MEF2A: variants seen among roughly 807,000 people sequenced by gnomAD.
The protein encoded by MEF2A is myocyte-specific enhancer factor 2A.
Under a neutral mutation model 55.8 loss-of-function variants are expected in MEF2A, and 28 were observed. That is an observed-to-expected ratio of 0.50 (90% CI 0.37 to 0.69). MEF2A has a LOEUF of 0.69. Among genes scored for constraint, MEF2A ranks in the 30% least tolerant of loss-of-function variants. MEF2A has a pLI of 0.00. For synonymous variants in MEF2A, 239 were observed against 227.1 expected (o/e 1.05, Z -0.47); for missense variants, 528 against 626.2 (o/e 0.84, Z 1.67).
Position 99,674,354 on chromosome 15 carries a change from G to A in MEF2A, c.391-39G>A, listed in dbSNP as rs180905183. On this transcript the variant is annotated intron_variant, in intron 5 of 11. Coordinates refer to ENST00000557942, the MANE Select transcript of MEF2A (RefSeq NM_001319206.4). ...CAAAAGTTACTTTGTAGATGAATACGAAACCAACAGTTTTTTCCTTCTTTT... is the reference window on the plus strand; with the variant it reads ...CAAAAGTTACTTTGTAGATGAATACAAAACCAACAGTTTTTTCCTTCTTTT... The A allele has an allele frequency of 3.5e-5, 54 of 1,550,816 alleles. No homozygotes were observed. In the Middle Eastern group the frequency reaches 1.1e-3, roughly 31 times the overall value.
chr15:99,576,892 C>T (rs1282306135), intron 1 of MEF2A, among the ~76,000 whole-genome samples: 2 of 152,098 alleles, frequency 1.3e-5, no homozygotes, highest in African/African-American at 4.8e-5. Flanking sequence ...CATGATCCAC[C>T]CACCTCGGCC....
At chr15:99,575,135 T>C (rs886699501) in intron 1 of MEF2A, among the ~76,000 whole-genome samples, 2 of 152,272 alleles carry the variant, frequency 1.3e-5, no homozygotes, top group Non-Finnish European at 2.9e-5. Flanking sequence ...CCCTAAATAC[T>C]TCAACTGATA....
At position 99,674,476 on chromosome 15, in the gene MEF2A, G is replaced by T. The variant is rs1170072872; in HGVS notation, c.474G>T (p.Gly158=). The T allele has an allele frequency of 9.9e-6, 16 of 1,613,900 alleles. No individual in the cohort carries two copies. The highest frequency in any genetic ancestry group is 1.4e-5 in the Non-Finnish European group (16 of 1,179,888). Residue 158 remains glycine (G), a synonymous_variant, in exon 6 of 12, where the codon GGG becomes GGT. Coordinates refer to ENST00000557942, the MANE Select transcript of MEF2A (RefSeq NM_001319206.4). Reference sequence around the variant, plus strand: ...ATGCTTTGTCCTACACTAACCCAGGGAGTTCACTGGTGTCCCCATCTTTGG... The same window carrying T: ...ATGCTTTGTCCTACACTAACCCAGGTAGTTCACTGGTGTCCCCATCTTTGG... ...SPNALSYTNP[G]SSLVSPSLAA...
chr15:99,683,126 T>C (rs2053548157), intron 7 of MEF2A, among the ~76,000 whole-genome samples: 1 of 152,162 alleles, frequency 6.6e-6, no homozygotes, highest in African/African-American at 2.4e-5. Flanking sequence ...CCTGGTGAAG[T>C]GGTTGTTTTT....
intron 3 of MEF2A, among the ~76,000 whole-genome samples, chr15:99,639,077 T>G (rs967419040): frequency 6.6e-6 from 1 of 152,184 alleles, no homozygotes. Flanking sequence ...ATAAAAGTTT[T>G]TTCCAAAGGT....
intron 8 of MEF2A, among the ~76,000 whole-genome samples, chr15:99,701,297 C>T (rs1169678574): frequency 6.6e-6 from 1 of 152,138 alleles, no homozygotes; most frequent in Non-Finnish European, 1.5e-5. Flanking sequence ...TGCAAAAATC[C>T]ATGCCCTTCT....
chr15:99,578,756 C>T (rs1349404797), intron 1 of MEF2A, among the ~76,000 whole-genome samples: 3 of 152,140 alleles, frequency 2.0e-5, no homozygotes, highest in African/African-American at 7.2e-5. Context: ...CCACAGGGTT[C>T]GTGTGATCAA....
chr15:99,651,462 A>G (rs929832448), intron 4 of MEF2A, among the ~76,000 whole-genome samples: 3 of 152,188 alleles, frequency 2.0e-5, no homozygotes, highest in African/African-American at 7.2e-5. Flanking sequence ...CTAATGTTTT[A>G]CAGGGCTGCA....
Position 99,613,238 on chromosome 15 carries a change from T to C in MEF2A, c.-143+14727T>C, listed in dbSNP as rs567484643. Among the ~76,000 whole-genome samples the C allele has an allele frequency of 4.6e-5, 7 of 152,366 alleles. No homozygotes were observed. The East Asian group carries it at 9.6e-4, about 21-fold the overall frequency. The stretch of plus-strand genomic sequence containing the variant: ...CAATTATGATTTGCTGGTTTTATTG[T>C]GGGGCTAGGGCAAGTTTGTGCATGC... On this transcript the variant is annotated intron_variant, in intron 2 of 11. Coordinates refer to ENST00000557942, the MANE Select transcript of MEF2A (RefSeq NM_001319206.4).
In MEF2A at chr15:99,572,074, G is replaced by C. The variant is rs552840182; in HGVS notation, c.-225+5970G>C. 3.6e-5 allele frequency among the ~76,000 whole-genome samples: 5 copies of C among 137,400 alleles called. No individual in the cohort carries two copies. The South Asian group carries it at 1.2e-3, about 33-fold the overall frequency. 90.1% of individuals were successfully genotyped at this position (137,400 alleles called of 152,430 possible). A position where few individuals can be genotyped will look rare whatever the true frequency, so the allele number is the denominator to read the frequency against. On this transcript the variant is annotated intron_variant, in intron 1 of 11. Transcript: ENST00000557942. ...GAGAATTATTTTAAGAGCCTATATT[G>C]GATCATATCATTTCTCTGCTTAAAA...
chr15:99,605,182 A>C (rs768853333), intron 2 of MEF2A, among the ~76,000 whole-genome samples: 1 of 152,176 alleles, frequency 6.6e-6, no homozygotes, highest in African/African-American at 2.4e-5. Flanking sequence ...TCCTGGCCTC[A>C]AGTGATCTGG....
intron 3 of MEF2A, among the ~76,000 whole-genome samples, chr15:99,638,576 A>G (rs1221215045): frequency 6.6e-6 from 1 of 152,178 alleles, no homozygotes; most frequent in African/African-American, 2.4e-5. Flanking sequence ...TTTAAAATTA[A>G]CTGATAAAAC....
chr15:99,704,317 C>CT (rs2153802672), intron 9 of MEF2A, among the ~76,000 whole-genome samples: 1 of 152,214 alleles, frequency 6.6e-6, no homozygotes, highest in South Asian at 2.1e-4. Context: ...CTTTATTTAG[C>CT]TTTGTGATCA....
Position 99,623,528 on chromosome 15 carries a change from A to G in MEF2A, c.-142-9450A>G, listed in dbSNP as rs79044189. Among the ~76,000 whole-genome samples the G allele has an allele frequency of 5.9e-5, 9 of 152,218 alleles. No individual in the cohort carries two copies. In the East Asian group the frequency reaches 7.7e-4, roughly 13 times the overall value. On this transcript the variant is annotated intron_variant, in intron 2 of 11. Transcript: ENST00000557942. ...TTTACATTCCCAAGAACAGTGCACA[A>G]GTGTTCCAGTTTTCCACACCCATGC...
At chr15:99,571,428 C>T (rs1229367220) in intron 1 of MEF2A, among the ~76,000 whole-genome samples, 3 of 152,150 alleles carry the variant, frequency 2.0e-5, no homozygotes, top group Non-Finnish European at 4.4e-5. Flanking sequence ...AATTTTCCTC[C>T]TACCATTACT....
chr15:99,619,868 G>A (rs2040842169), intron 2 of MEF2A, among the ~76,000 whole-genome samples: 1 of 152,204 alleles, frequency 6.6e-6, no homozygotes, highest in Non-Finnish European at 1.5e-5. Flanking sequence ...GGGCTGGGAT[G>A]TAGGTTTTCT....
chr15:99,626,400 C>G (rs145831811), intron 2 of MEF2A, among the ~76,000 whole-genome samples: 259 of 151,912 alleles, frequency 1.7e-3, no homozygotes, highest in African/African-American at 5.3e-3. Flanking sequence ...TTTTGTTAAT[C>G]GTTTTGAAGA....
chr15:99,631,685 A>G (rs1000767898), intron 2 of MEF2A, among the ~76,000 whole-genome samples: 1 of 151,208 alleles, frequency 6.6e-6, no homozygotes, highest in African/African-American at 2.4e-5. Flanking sequence ...CTCTGTGCAT[A>G]GTTCAGTGTT....
chr15:99,625,760 TATGTG>T (rs1355365155), intron 2 of MEF2A, among the ~76,000 whole-genome samples: 1 of 152,168 alleles, frequency 6.6e-6, no homozygotes, highest in African/African-American at 2.4e-5. Flanking sequence ...TTTATTCTCT[TATGTG>T]GTGTGTCACA....
Sources: gnomAD v4.1 joint callset for allele counts (sites outside exome capture counted in the v4.1 genomes callset) on GRCh38, gnomAD v4.1.1 for gene constraint, MANE v1.5 for transcripts, NCBI Gene and HGNC (gene_info 2026-07-23, HGNC 2026-07-21) for gene names.